The following SCN9A variants were observed in gnomAD, a reference collection of about 807,000 sequenced individuals.
SCN9A encodes the protein sodium voltage-gated channel alpha subunit 9, also known as sodium channel protein type 9 subunit alpha.
SCN9A carries 131 observed loss-of-function variants against 187.0 expected under a neutral mutation model. That is an observed-to-expected ratio of 0.70 (90% CI 0.61 to 0.81). The LOEUF (loss-of-function observed/expected upper bound fraction) is 0.81, where lower values mean the gene tolerates loss of function less well. Among genes scored for constraint, SCN9A ranks in the 30% least tolerant of loss-of-function variants. The pLI is 0.00. For synonymous variants in SCN9A, 809 were observed against 808.6 expected, an observed-to-expected ratio of 1.00 and a Z score of -0.01; for missense variants, 2,252 against 2,396.6, an observed-to-expected ratio of 0.94 and a Z score of 1.26.
intron 24 of SCN9A, among the ~76,000 whole-genome samples, chr2:166,206,553 A>G (rs139408544): frequency 6.6e-6 from 1 of 152,236 alleles, no homozygotes; most frequent in Non-Finnish European, 1.5e-5. Flanking sequence ...TAGGAGAAAT[A>G]CCTAATGTAA....
At position 166,308,677 on chromosome 2, in the gene SCN9A, C is replaced by T. The variant is rs543190810; in HGVS notation, c.259-1603G>A. On this transcript the variant is annotated intron_variant, in intron 2 of 26. Coordinates refer to ENST00000642356, the MANE Select transcript of SCN9A (RefSeq NM_001365536.1). ...GTGGCTCACGCCTGTGTTCCCAGCA[C>T]TTTGGGAGGCCAAGGTGGGCAGAAC... is the stretch of plus-strand genomic sequence containing the variant. Among the ~76,000 whole-genome samples, 6 of 152,268 alleles carry T rather than the reference C, an allele frequency of 3.9e-5. No individual in the cohort carries two copies. The South Asian group carries it at 1.2e-3, about 32-fold the overall frequency.
intron 17 of SCN9A, among the ~76,000 whole-genome samples, chr2:166,252,717 G>A (rs1431172046): frequency 6.6e-5 from 10 of 151,748 alleles, no homozygotes; most frequent in Middle Eastern, 3.4e-3. Flanking sequence ...TGATCATAAC[G>A]CAAATAGGTT....
rs1036114207 is a variant in SCN9A, at chr2:166,306,575, G to A, written c.402C>T (p.Cys134=). ...VHSLFSMLIM[C]TILTNCIFMT... ...TAAATATGCAGTTTGTCAGAATAGT[G>A]CACATGATGAGCATGCTGAATAAGG... Residue 134 remains cysteine, a synonymous_variant, in exon 4 of 27, where the codon TGC becomes TGT. Transcript: ENST00000642356. 1.3e-6 allele frequency: 2 copies of A among 1,580,602 alleles called. No homozygotes were observed. The highest frequency in any genetic ancestry group is 1.7e-6 in the Non-Finnish European group (2 of 1,160,676).
chr2:166,289,267 A>G (rs1208246101), intron 9 of SCN9A, among the ~76,000 whole-genome samples: 1 of 150,396 alleles, frequency 6.6e-6, no homozygotes, highest in Non-Finnish European at 1.5e-5. Context: ...GACACGTGCC[A>G]TGGTGGTTTG....
At chr2:166,277,887 T>C (rs1697307292) in intron 15 of SCN9A, 1 of 351,530 alleles carries the variant, frequency 2.8e-6, no homozygotes, top group East Asian at 4.5e-5. Context: ...TTGTACTATA[T>C]TAATAGAAAA....
chr2:166,263,291 T>G (rs987171086), intron 17 of SCN9A, among the ~76,000 whole-genome samples: 3 of 152,008 alleles, frequency 2.0e-5, no homozygotes, highest in Admixed American at 6.6e-5. Context: ...ATGTTACGTT[T>G]CGTTCCTGAA....
intron 17 of SCN9A, among the ~76,000 whole-genome samples, chr2:166,268,426 C>T (rs1696834966): frequency 6.6e-6 from 1 of 151,648 alleles, no homozygotes; most frequent in Non-Finnish European, 1.5e-5. Flanking sequence ...AAAGGCATCT[C>T]AGATACGAAA....
intron 17 of SCN9A, among the ~76,000 whole-genome samples, chr2:166,257,219 A>G (rs1365170589): frequency 1.3e-5 from 2 of 151,610 alleles, no homozygotes; most frequent in African/African-American, 2.4e-5. Context: ...CAATTTTGCT[A>G]TTTATGCCAG....
chr2:166,228,512 C>A (rs1352375262), intron 22 of SCN9A, among the ~76,000 whole-genome samples, 179 bp downstream of exon 22: 1 of 152,026 alleles, frequency 6.6e-6, no homozygotes, highest in African/African-American at 2.4e-5. Context: ...CCACCTTGGC[C>A]TCCCAAAGTG....
chr2:166,297,307 CA>C (rs1376800150), intron 7 of SCN9A, among the ~76,000 whole-genome samples: 24 of 146,228 alleles, frequency 1.6e-4, no homozygotes, highest in African/African-American at 6.1e-4. Flanking sequence ...AAAACTTGTA[CA>C]TGAATGTTTA....
chr2:166,318,201 G>A (rs1052184141), intron 1 of SCN9A, among the ~76,000 whole-genome samples: 1 of 152,002 alleles, frequency 6.6e-6, no homozygotes, highest in African/African-American at 2.4e-5. Flanking sequence ...GGGTGGAGTC[G>A]AGGGAAAGGT....
intron 1 of SCN9A, among the ~76,000 whole-genome samples, chr2:166,327,788 C>T (rs1187480352): frequency 6.6e-6 from 1 of 152,132 alleles, no homozygotes; most frequent in East Asian, 1.9e-4. Flanking sequence ...TGCCCATCTT[C>T]ACTATGAATT....
At chr2:166,354,428 A>G (rs1700107195) in intron 1 of SCN9A, among the ~76,000 whole-genome samples, 1 of 152,148 alleles carries the variant, frequency 6.6e-6, no homozygotes, top group Admixed American at 6.5e-5. Flanking sequence ...AATATGGTGG[A>G]CACCAACTAA....
chr2:166,238,774 G>T (rs1431922963), intron 19 of SCN9A, among the ~76,000 whole-genome samples: 1 of 152,176 alleles, frequency 6.6e-6, no homozygotes, highest in Non-Finnish European at 1.5e-5. Flanking sequence ...TTTGCTAAAT[G>T]AATGACTGCA....
At chr2:166,258,307 T>A (rs1696363975) in intron 17 of SCN9A, among the ~76,000 whole-genome samples, 1 of 151,554 alleles carries the variant, frequency 6.6e-6, no homozygotes, top group South Asian at 2.1e-4. Flanking sequence ...GTGTTCTATG[T>A]GTTATTGATA....
chr2:166,263,670 C>G (rs1234891105), intron 17 of SCN9A, among the ~76,000 whole-genome samples: 3 of 151,928 alleles, frequency 2.0e-5, no homozygotes, highest in Non-Finnish European at 4.4e-5. Context: ...CTAACCCTGG[C>G]ATGTTTGAGT....
rs1693259624 is a variant in SCN9A, at chr2:166,196,821, C to A, written c.*1851G>T. 6.6e-6 allele frequency: 1 copy of A among 151,970 alleles called. No homozygotes were observed. Among genetic ancestry groups the A allele is most frequent in the African/African-American group, 2.4e-5 (1 of 41,396 alleles). The allele number at this position is 151,970 out of a possible 1,614,324, so 9.4% of individuals were successfully genotyped here. A position where few individuals can be genotyped will look rare whatever the true frequency, so the allele number is the denominator to read the frequency against. Reference sequence around the variant, plus strand: ...GTTCAAATAGCCTAAGATGAATGAACCTAAGATGGTATAAAGAATCTTTAG... The same window carrying A: ...GTTCAAATAGCCTAAGATGAATGAAACTAAGATGGTATAAAGAATCTTTAG... On this transcript the variant is annotated 3_prime_UTR_variant, in exon 27 of 27. Transcript: ENST00000642356.
chr2:166,346,556 C>T (rs970498826), intron 1 of SCN9A, among the ~76,000 whole-genome samples: 2 of 152,256 alleles, frequency 1.3e-5, no homozygotes, highest in Non-Finnish European at 2.9e-5. Flanking sequence ...GTGAGATGCT[C>T]TGCTCAAGCT....
intron 1 of SCN9A, among the ~76,000 whole-genome samples, chr2:166,340,302 T>G (rs1699731985): frequency 6.6e-6 from 1 of 152,172 alleles, no homozygotes; most frequent in Non-Finnish European, 1.5e-5. Context: ...TACTTGAAGG[T>G]CAAGTACAAG....
Sources: gnomAD v4.1 joint callset for allele counts (sites outside exome capture counted in the v4.1 genomes callset) on GRCh38, gnomAD v4.1.1 for gene constraint, MANE v1.5 for transcripts, NCBI Gene and HGNC (gene_info 2026-07-23, HGNC 2026-07-21) for gene names.